Variants in SCAMP4 observed in about 807,000 individuals in gnomAD.
SCAMP4 encodes the protein secretory carrier-associated membrane protein 4.
SCAMP4 carries 19 observed loss-of-function variants against 32.1 expected under a neutral mutation model. The ratio of observed to expected loss-of-function variants is 0.59; its 90% CI spans 0.41 to 0.87. The LOEUF (loss-of-function observed/expected upper bound fraction) is 0.87, where lower values mean the gene tolerates loss of function less well. SCAMP4 is among the 40% of genes least tolerant of loss of function. The probability of loss-of-function intolerance (pLI) is 0.00; values close to 1 mark genes in which losing one functional copy is unlikely to be tolerated. For missense variants in SCAMP4, 302 were observed against 309.0 expected (o/e 0.98, Z 0.17); for synonymous variants, 152 against 132.7 (o/e 1.15, Z -1.00).
chr19:1,922,549 A>G (rs964408244), intron 5 of SCAMP4: 3 of 985,250 alleles, frequency 3.0e-6, no homozygotes, highest in Non-Finnish European at 3.6e-6. Context: ...CATTGTTTCT[A>G]ATGGTCCCTC....
chr19:1,909,627 C>G (rs940134956), intron 1 of SCAMP4, among the ~76,000 whole-genome samples: 1 of 152,016 alleles, frequency 6.6e-6, no homozygotes, highest in Non-Finnish European at 1.5e-5. Context: ...GGGATGGTAA[C>G]AGTGCTGGTG....
rs149992875 is a variant in SCAMP4 at position 1,919,794 on chromosome 19, C to T, written c.395+804C>T. ...GATTACAGGTGTGAGCCACTGCACC[C>T]GGCCCTTTTTTTAAACTATTATTAT... On this transcript the variant is annotated intron_variant, in intron 5 of 6. Transcript: ENST00000316097. Among the ~76,000 whole-genome samples, 137 of 144,618 alleles carry T rather than the reference C, an allele frequency of 9.5e-4. 1 individual carries two copies. The highest frequency in any genetic ancestry group is 3.2e-3 in the African/African-American group (124 of 38,934). 94.9% of individuals were successfully genotyped at this position (144,618 alleles called of 152,430 possible).
chr19:1,912,298 C>A, intron 1 of SCAMP4: 1 of 1,565,004 alleles, frequency 6.4e-7, no homozygotes, highest in South Asian at 1.2e-5. Context: ...GCCCTGCACC[C>A]GCTCCCCGCC....
Position 1,917,745 on chromosome 19 carries a change from G to A in SCAMP4, c.59G>A (p.Cys20Tyr), listed in dbSNP as rs2013779927. Residue 20 changes from cysteine (C) to tyrosine (Y), a missense_variant, in exon 3 of 7, where the codon TGC (cysteine) becomes TAC (tyrosine). Physicochemically the swap from Cys to Tyr is radical, Grantham distance 194. Coordinates refer to ENST00000316097, the MANE Select transcript of SCAMP4 (RefSeq NM_079834.4). The stretch of plus-strand genomic sequence containing the variant: ...CCCAAGTTCATCCCTGTGAAGCCCT[G>A]CTTCTACCAGAACTTCTCCGACGAG... Reference protein sequence around the residue: ...PLPKFIPVKPCFYQNFSDEIP... With the variant: ...PLPKFIPVKPYFYQNFSDEIP... 6.2e-7 allele frequency: 1 copy of A among 1,614,046 alleles called. No homozygotes were observed.
intron 1 of SCAMP4, chr19:1,911,852 T>C (rs2013466931): frequency 3.8e-6 from 2 of 531,846 alleles, no homozygotes; most frequent in African/African-American, 2.0e-5. Flanking sequence ...ATCTTCGTTT[T>C]TAAAAACCAA....
rs1160879748 is a variant in SCAMP4, at chr19:1,908,489, G to T, written c.-42+3050G>T. On this transcript the variant is annotated intron_variant, in intron 1 of 6. Transcript: ENST00000316097. This position sits in a 1 kb window ranked among gnomAD's most constrained non-coding sequence, Gnocchi z 4.2. ...ATCCAGAGACACATCCCTGTCTGCG[G>T]GAGGAGCCGTCCATACCAGCGGGGA... 2 of 470,894 alleles carry T rather than the reference G, an allele frequency of 4.2e-6. No homozygotes were observed. Among genetic ancestry groups the T allele is most frequent in the African/African-American group, 4.0e-5 (2 of 50,080 alleles). The allele number at this position is 470,894 out of a possible 1,614,324, so 29.2% of individuals were successfully genotyped here. A position where few individuals can be genotyped will look rare whatever the true frequency, so the allele number is the denominator to read the frequency against.
intron 1 of SCAMP4, chr19:1,912,730 A>G: frequency 6.5e-7 from 1 of 1,531,894 alleles, no homozygotes; most frequent in Non-Finnish European, 8.7e-7. Flanking sequence ...GCCACCGGCC[A>G]CGACTGCAGC....
intron 1 of SCAMP4, chr19:1,912,535 C>A (rs1047383907): frequency 6.7e-7 from 1 of 1,500,246 alleles, no homozygotes. Flanking sequence ...GCCCACTGGC[C>A]CACGTCCTTC....
chr19:1,911,996 G>A (rs2013476008), intron 1 of SCAMP4: 35 of 1,411,366 alleles, frequency 2.5e-5, no homozygotes, highest in Non-Finnish European at 3.1e-5. Flanking sequence ...GTGGAGCCAC[G>A]GCCTCCCGGG....
intron 5 of SCAMP4, chr19:1,921,163 A>G (rs558572009): frequency 1.0e-6 from 1 of 985,110 alleles, no homozygotes; most frequent in African/African-American, 1.7e-5. Context: ...GCGAGAGGGG[A>G]CAGCCCCGCT....
At chr19:1,910,575 CTTTTTT>C (rs11350651) in intron 1 of SCAMP4, among the ~76,000 whole-genome samples, 3 of 95,088 alleles carry the variant, frequency 3.2e-5, no homozygotes, top group Non-Finnish European at 4.4e-5. Context: ...TTTGAGGTGT[CTTTTTT>C]TTTTTTTTTT....
At position 1,922,845 on chromosome 19, in the gene SCAMP4, G is replaced by A. The variant is rs755020077; in HGVS notation, c.396-225G>A. 1.8e-4 allele frequency: 230 copies of A among 1,259,038 alleles called. 1 individual carries two copies. The highest frequency in any genetic ancestry group is 4.6e-4 in the Admixed American group (11 of 23,708). The allele number at this position is 1,259,038 out of a possible 1,614,324, so 78.0% of individuals were successfully genotyped here. ...GTCGAAGTTTGTGTCCACTGCACAC[G>A]CGGCTCACTGCTGCGATGGTGGAGG... On this transcript the variant is annotated intron_variant, in intron 5 of 6. Transcript: ENST00000316097.
intron 6 of SCAMP4, 30 bp from the exon 7 acceptor site, chr19:1,924,070 TTTTCTGTC>T: frequency 6.5e-7 from 1 of 1,535,436 alleles, no homozygotes; most frequent in Non-Finnish European, 8.7e-7. Context: ...GCCATGCTCA[TTTTCTGTC>T]TTCTGCCTCC....
At chr19:1,911,516 T>C (rs1183698820) in intron 1 of SCAMP4, among the ~76,000 whole-genome samples, 3 of 152,202 alleles carry the variant, frequency 2.0e-5, no homozygotes, top group Non-Finnish European at 2.9e-5. Flanking sequence ...CTGGGCGCAG[T>C]GACTCACACC....
intron 1 of SCAMP4, among the ~76,000 whole-genome samples, chr19:1,909,035 G>A (rs560178566): frequency 6.6e-6 from 1 of 152,072 alleles, no homozygotes; most frequent in South Asian, 2.1e-4. Context: ...AACCTGGGAA[G>A]TGGAGGTTGC....
rs1599257258 is a variant in SCAMP4, at chr19:1,922,548, T to A, written c.396-522T>A. The A allele has an allele frequency of 5.1e-6, 5 of 985,524 alleles. No individual in the cohort carries two copies. The South Asian group carries it at 2.3e-4, about 46-fold the overall frequency. The allele number at this position is 985,524 out of a possible 1,614,324, so 61.0% of individuals were successfully genotyped here. On this transcript the variant is annotated intron_variant, in intron 5 of 6. Coordinates refer to ENST00000316097, the MANE Select transcript of SCAMP4 (RefSeq NM_079834.4). ...CTGCGCCCGGCCTCCTCATTGTTTC[T>A]AATGGTCCCTCAGTGCCCACCGGGT...
At chr19:1,922,954 C>CT in intron 5 of SCAMP4, 116 bp from the exon 6 acceptor site, 1 of 1,367,764 alleles carries the variant, frequency 7.3e-7, no homozygotes, top group Non-Finnish European at 9.4e-7. Flanking sequence ...CTTGTATGAG[C>CT]TGTCCACTCC....
chr19:1,919,289 A>T, intron 5 of SCAMP4: 1 of 1,242,978 alleles, frequency 8.0e-7, no homozygotes, highest in Non-Finnish European at 1.0e-6. Context: ...AGTGTTGATC[A>T]CACCCCTGAC....
intron 4 of SCAMP4, 114 bp downstream of exon 4, chr19:1,918,397 C>T (rs2013806775): frequency 5.1e-6 from 6 of 1,182,834 alleles, no homozygotes; most frequent in South Asian, 1.7e-5. Flanking sequence ...GTGTGAAAGA[C>T]AGTTCACATC....
Sources: gnomAD v4.1 joint callset for allele counts (sites outside exome capture counted in the v4.1 genomes callset) on GRCh38, gnomAD v4.1.1 for gene constraint, Gnocchi (gnomAD v3.1) non-coding constraint, MANE v1.5 for transcripts, NCBI Gene and HGNC (gene_info 2026-07-23, HGNC 2026-07-21) for gene names.